Variants in UPF3B observed in about 807,000 individuals in gnomAD.
UPF3B encodes regulator of nonsense transcripts 3B.
A neutral mutation model predicts 40.3 loss-of-function variants in UPF3B; 7 were observed. The ratio of observed to expected loss-of-function variants is 0.17; its 90% CI spans 0.10 to 0.33. UPF3B has a LOEUF of 0.33. Among genes scored for constraint, UPF3B ranks in the 10% least tolerant of loss-of-function variants. The pLI is 1.00. For missense variants in UPF3B, 229 were observed against 358.9 expected (o/e 0.64, Z 2.93); for synonymous variants, 117 against 117.3 (o/e 1.00, Z 0.01).
At chrX:119,845,990 T>C (rs2056224474) in intron 3 of UPF3B, among the ~76,000 whole-genome samples, 1 of 110,821 alleles carries the variant, frequency 9.0e-6, no homozygotes, top group African/African-American at 3.3e-5. Flanking sequence ...ATGTATACAA[T>C]ATGTATACAT....
chrX:119,842,576 T>TCACACACA (rs1491435021), intron 5 of UPF3B, among the ~76,000 whole-genome samples: 4 of 66,231 alleles, frequency 6.0e-5, no homozygotes, highest in African/African-American at 3.6e-4. Flanking sequence ...CAAGACTCCA[T>TCACACACA]CTCTCACACA....
intron 3 of UPF3B, among the ~76,000 whole-genome samples, chrX:119,827,372 CAA>C (rs1427939802): frequency 9.0e-6 from 1 of 111,047 alleles, no homozygotes; most frequent in Non-Finnish European, 1.9e-5. Flanking sequence ...TCACTGCTTA[CAA>C]AGTGTCTTGA....
downstream of UPF3B, among the ~76,000 whole-genome samples, chrX:119,831,189 G>A (rs947625837): frequency 9.0e-6 from 1 of 111,624 alleles, no homozygotes; most frequent in Middle Eastern, 4.2e-3. Context: ...TGTACCCCAC[G>A]AGCAGAGCGA....
downstream of UPF3B, among the ~76,000 whole-genome samples, chrX:119,829,092 G>C (rs1161161161): frequency 9.0e-6 from 1 of 111,494 alleles, no homozygotes; most frequent in Non-Finnish European, 1.9e-5. Flanking sequence ...CACAATCTCG[G>C]CTTACTGCAA....
At chrX:119,807,044 A>G (rs925442870) in intron 6 of UPF3B, among the ~76,000 whole-genome samples, 12 of 97,136 alleles carry the variant, frequency 1.2e-4, no homozygotes, top group Non-Finnish European at 2.0e-4. Flanking sequence ...AAAAAAAAAA[A>G]AAAAAAAGAA....
intron 10 of UPF3B, 109 bp from the exon 11 acceptor site, chrX:119,835,136 A>G: frequency 2.1e-6 from 2 of 947,219 alleles, no homozygotes; most frequent in South Asian, 4.2e-5. Context: ...GAAGTCATTT[A>G]AGACCAAAAA....
At chrX:119,850,159 C>A (rs944122092) in intron 3 of UPF3B, among the ~76,000 whole-genome samples, 1 of 110,361 alleles carries the variant, frequency 9.1e-6, no homozygotes, top group African/African-American at 3.3e-5. Context: ...ATTAGCCAGG[C>A]ATGGTGACAT....
In UPF3B at chrX:119,834,228, T is replaced by C. The variant is rs2496203; in HGVS notation, c.*650A>G. On this transcript the variant is annotated 3_prime_UTR_variant, in exon 11 of 11. Transcript: ENST00000276201. Reference sequence around the variant, plus strand: ...TACCTCTTAATAGAAAAGATGCTGATGACAAAACACGAAGTTTAAAAATAT... The same window carrying C: ...TACCTCTTAATAGAAAAGATGCTGACGACAAAACACGAAGTTTAAAAATAT... 9,147 of 753,366 alleles carry C rather than the reference T, an allele frequency of 0.012. 562 individuals carry two copies. In the African/African-American group the frequency reaches 0.19, roughly 16 times the overall value. The allele number at this position is 753,366 out of a possible 1,213,427, so 62.1% of individuals were successfully genotyped here. A position where few individuals can be genotyped will look rare whatever the true frequency, so the allele number is the denominator to read the frequency against.
intron 3 of UPF3B, among the ~76,000 whole-genome samples, chrX:119,847,770 A>G: frequency 9.2e-6 from 1 of 108,182 alleles, no homozygotes; most frequent in Non-Finnish European, 1.9e-5. Context: ...CTCAAAATAA[A>G]TAAATAATAA....
At chrX:119,814,695 A>G (rs1226450739) in intron 5 of UPF3B, among the ~76,000 whole-genome samples, 1 of 111,473 alleles carries the variant, frequency 9.0e-6, no homozygotes, top group African/African-American at 3.3e-5. Flanking sequence ...TCCCCCTGCA[A>G]ATTGCAATGC....
intron 3 of UPF3B, among the ~76,000 whole-genome samples, chrX:119,823,950 G>A (rs2055952691): frequency 9.0e-6 from 1 of 111,578 alleles, no homozygotes; most frequent in Non-Finnish European, 1.9e-5. Flanking sequence ...GAGCTATGGT[G>A]CCTGGCCTAT....
At chrX:119,805,561 T>C (rs1189131132) in intron 6 of UPF3B, 1 of 111,398 alleles carries the variant, frequency 9.0e-6, no homozygotes, top group Admixed American at 9.6e-5. Context: ...ACCTACAAAA[T>C]GGGAGAAAAT....
At chrX:119,832,420 G>A (rs1158354533), downstream of UPF3B, among the ~76,000 whole-genome samples, 2 of 111,151 alleles carry the variant, frequency 1.8e-5, no homozygotes, top group African/African-American at 3.3e-5. Flanking sequence ...CACCACACTC[G>A]GATAATTTTT....
rs937439833 is a variant in UPF3B, at chrX:119,841,475, T to G, written c.625-217A>C. 8.3e-4 allele frequency among the ~76,000 whole-genome samples: 93 copies of G among 111,751 alleles called. 1 individual carries two copies. The highest frequency in any genetic ancestry group is 2.8e-3 in the African/African-American group (87 of 30,839). ...ATTCTTCCACTGCTGCCTTACTATCTCTCCAGAGGCTTTCAGAATATCAAA... is the reference window on the plus strand; with the variant it reads ...ATTCTTCCACTGCTGCCTTACTATCGCTCCAGAGGCTTTCAGAATATCAAA... On this transcript the variant is annotated intron_variant, in intron 6 of 10. Coordinates refer to ENST00000276201, the MANE Select transcript of UPF3B (RefSeq NM_080632.3).
At chrX:119,844,623 G>C (rs2056205028) in intron 4 of UPF3B, among the ~76,000 whole-genome samples, 1 of 108,241 alleles carries the variant, frequency 9.2e-6, no homozygotes, top group South Asian at 4.0e-4. Context: ...TTTTTTTTGA[G>C]ATGGAGTTTC....
chrX:119,833,528 A>G (rs1052076516), downstream of UPF3B, among the ~76,000 whole-genome samples: 1 of 110,189 alleles, frequency 9.1e-6, no homozygotes, highest in African/African-American at 3.3e-5. Context: ...TATTTTAGAG[A>G]TGGGGTCTTG....
chrX:119,821,733 G>A (rs1251631283), intron 4 of UPF3B, among the ~76,000 whole-genome samples: 1 of 110,442 alleles, frequency 9.1e-6, no homozygotes, highest in Non-Finnish European at 1.9e-5. Context: ...GGAGGGTGGA[G>A]GTTGCAGTGA....
rs1232552873 is a variant in UPF3B at position 119,852,936 on chromosome X, TC to T, written c.-9del. On this transcript the variant is annotated 5_prime_UTR_variant, in exon 1 of 11. Coordinates refer to ENST00000276201, the MANE Select transcript of UPF3B (RefSeq NM_080632.3). ...CTCCTTCTCTTCCTTCATGGCTACG[TC>T]CCCCGCTGAAGCGGCTTGGCCGGAA... is the stretch of plus-strand genomic sequence containing the variant. The T allele has an allele frequency of 8.3e-7, 1 of 1,211,862 alleles. No homozygotes were observed.
intron 4 of UPF3B, among the ~76,000 whole-genome samples, chrX:119,844,399 G>A (rs1173658603): frequency 9.0e-6 from 1 of 110,896 alleles, no homozygotes; most frequent in Non-Finnish European, 1.9e-5. Flanking sequence ...GTAGCTAATT[G>A]TATATCCAAA....
Sources: allele counts gnomAD v4.1 joint callset (sites outside exome capture counted in the v4.1 genomes callset), GRCh38; gene constraint gnomAD v4.1.1; transcripts MANE v1.5; gene names NCBI Gene and HGNC (gene_info 2026-07-23, HGNC 2026-07-21).